MYH2: variants seen among roughly 807,000 people sequenced by gnomAD.
The protein encoded by MYH2 is myosin-2.
MYH2 carries 139 observed loss-of-function variants against 228.1 expected under a neutral mutation model. The observed-to-expected ratio is 0.61, with a 90% CI of 0.53 to 0.70. The LOEUF (loss-of-function observed/expected upper bound fraction) is 0.70, where lower values mean the gene tolerates loss of function less well. Ranked by LOEUF, MYH2 falls within the 30% of genes least tolerant of loss-of-function variation. The probability of loss-of-function intolerance (pLI) is 0.00; values close to 1 mark genes in which losing one functional copy is unlikely to be tolerated. For synonymous variants in MYH2, 796 were observed against 871.1 expected, an observed-to-expected ratio of 0.91 and a Z score of 1.52; for missense variants, 1,809 against 2,357.5, an observed-to-expected ratio of 0.77 and a Z score of 4.82.
At position 10,525,327 on chromosome 17, in the gene MYH2, T is replaced by C. The variant is rs370528852; in HGVS notation, c.4559A>G (p.Glu1520Gly). Reference sequence around the variant, plus strand: ...ACGTTTCCCTCCTTCTGCAATCTGTTCCGTGAGGTCAGAAATCTCCTCTGT... The same window carrying C: ...ACGTTTCCCTCCTTCTGCAATCTGTCCCGTGAGGTCAGAAATCTCCTCTGT... ...NLQQEISDLTEQIAEGGKRIH... is the reference protein window; with the variant it reads ...NLQQEISDLTGQIAEGGKRIH... Residue 1520 changes from glutamate to glycine, a missense_variant, in exon 33 of 40, where the codon GAA becomes GGA. Physicochemically the swap from Glu to Gly is moderately conservative, Grantham distance 98 (BLOSUM62 -2). Transcript: ENST00000245503. This position sits in a 1 kb window ranked among gnomAD's most constrained non-coding sequence, Gnocchi z 4.2. The C allele has an allele frequency of 9.3e-6, 15 of 1,614,022 alleles. No individual in the cohort carries two copies. Among genetic ancestry groups the C allele is most frequent in the Non-Finnish European group, 1.0e-5 (12 of 1,180,022 alleles).
At position 10,525,939 on chromosome 17, in the gene MYH2, A is replaced by G; in HGVS notation, c.4188-63T>C. 1.3e-6 allele frequency: 2 copies of G among 1,549,314 alleles called. No homozygotes were observed. Among genetic ancestry groups the G allele is most frequent in the South Asian group, 2.3e-5 (2 of 88,090 alleles). On this transcript the variant is annotated intron_variant, in intron 30 of 39. Transcript: ENST00000245503. The surrounding 1 kb of genome is among the most constrained non-coding windows in gnomAD (Gnocchi z 4.2). ...ATAATATGAATTATGAGCTATTGCC[A>G]CACACGCTGAAGAGTGTTAGAAACT... is the stretch of plus-strand genomic sequence containing the variant.
intron 14 of MYH2, 93 bp downstream of exon 14, chr17:10,539,112 G>T: frequency 6.2e-7 from 1 of 1,603,924 alleles, no homozygotes; most frequent in Non-Finnish European, 8.5e-7. Context: ...TTCTACAGTG[G>T]TAAGAAAAGG....
intron 28 of MYH2, 61 bp from the exon 29 acceptor site, chr17:10,527,117 G>A (rs1390676030): frequency 1.3e-6 from 2 of 1,482,258 alleles, no homozygotes; most frequent in African/African-American, 1.4e-5. Context: ...GCAAGCCCAT[G>A]TTAGAAAGAA....
intron 10 of MYH2, among the ~76,000 whole-genome samples, chr17:10,541,613 T>G (rs2073556163): frequency 6.6e-6 from 1 of 152,242 alleles, no homozygotes; most frequent in South Asian, 2.1e-4. Flanking sequence ...TTGTGAAGCA[T>G]GTGATCTCTG....
In MYH2 at chr17:10,545,495, G is replaced by C; in HGVS notation, c.356C>G (p.Ser119Ter). The C allele has an allele frequency of 1.2e-6, 2 of 1,614,046 alleles. No individual in the cohort carries two copies. Among genetic ancestry groups the C allele is most frequent in the Non-Finnish European group, 1.7e-6 (2 of 1,179,894 alleles). Reference protein sequence around the residue: ...RYAAWMIYTYSGLFCVTVNPY... With the variant: ...RYAAWMIYTY ...GTTGACAGTGACACAGAAGAGACCT[G>C]AATAGGTCTATGAGAAGGAAAAAGA... Residue 119 changes from serine to a stop codon, truncating the protein, a stop_gained, in exon 5 of 40, where the codon TCA (serine) becomes TGA (stop). Coordinates refer to ENST00000245503, the MANE Select transcript of MYH2 (RefSeq NM_017534.6). LOFTEE classifies it high-confidence loss of function.
chr17:10,523,754 C>T lies in MYH2; in HGVS notation c.5301+5G>A. The T allele has an allele frequency of 1.2e-5, 19 of 1,614,266 alleles. No homozygotes were observed. The highest frequency in any genetic ancestry group is 1.6e-5 in the Non-Finnish European group (19 of 1,180,044). On this transcript the variant is annotated splice_donor_5th_base_variant and intron_variant, in intron 36 of 39. Transcript: ENST00000245503. ...AATCAGTGGACAAGTGTGCCTGCCA[C>T]TCACATCAGTGATGGCCTTCTTGGC...
chr17:10,529,076 G>C lies in MYH2; in HGVS notation c.3358C>G (p.Arg1120Gly). 6 of 1,614,200 alleles carry C rather than the reference G, an allele frequency of 3.7e-6. No homozygotes were observed. The highest frequency in any genetic ancestry group is 5.1e-6 in the Non-Finnish European group (6 of 1,180,042). The change falls in exon 27 of 40, where the codon CGC becomes GGC. Residue 1120 changes from arginine (R) to glycine (G), a missense_variant. Coordinates refer to ENST00000245503, the MANE Select transcript of MYH2 (RefSeq NM_017534.6). ...ATTTCCTCCTCCAGCTCCTCAATGC[G>C]GGCCTGGGAATGGTGGAAAATACAA... ...LQKKIKELQARIEELEEEIEA... is the reference protein window; with the variant it reads ...LQKKIKELQAGIEELEEEIEA...
rs3051834 is a variant in MYH2, at chr17:10,521,580, C to CATATATAT, written c.5674-156_5674-149dup. ...AATTTTAAGATTTGTTTATTGATGTCATATATATATATATATATATACACA... is the reference window on the plus strand; with the variant it reads ...AATTTTAAGATTTGTTTATTGATGTCATATATATATATATATATATATATATATACACA... On this transcript the variant is annotated intron_variant, in intron 39 of 39. Coordinates refer to ENST00000245503, the MANE Select transcript of MYH2 (RefSeq NM_017534.6). 179 of 445,628 alleles carry CATATATAT rather than the reference C, an allele frequency of 4.0e-4. 1 individual carries two copies. The highest frequency in any genetic ancestry group is 5.7e-4 in the Non-Finnish European group (145 of 256,344). 27.6% of individuals were successfully genotyped at this position (445,628 alleles called of 1,614,324 possible).
chr17:10,548,856 C>T (rs1349494609), intron 2 of MYH2, among the ~76,000 whole-genome samples: 1 of 152,136 alleles, frequency 6.6e-6, no homozygotes, highest in African/African-American at 2.4e-5. Flanking sequence ...TCATTTGAAT[C>T]GTCTCTTCTA....
rs114188902 is a variant in MYH2, at chr17:10,523,944, C to T, written c.5176-60G>A. 1.3e-4 allele frequency: 204 copies of T among 1,533,462 alleles called. No individual in the cohort carries two copies. The African/African-American group carries it at 2.5e-3, about 19-fold the overall frequency. The allele number at this position is 1,533,462 out of a possible 1,614,324, so 95.0% of individuals were successfully genotyped here. A position where few individuals can be genotyped will look rare whatever the true frequency, so the allele number is the denominator to read the frequency against. On this transcript the variant is annotated intron_variant, in intron 35 of 39. Coordinates refer to ENST00000245503, the MANE Select transcript of MYH2 (RefSeq NM_017534.6). ...TGTTACCAAAGTATTTATTGGTAACCACTTCTTGAAAAAAATTCAGATAAA... is the reference window on the plus strand; with the variant it reads ...TGTTACCAAAGTATTTATTGGTAACTACTTCTTGAAAAAAATTCAGATAAA...
At chr17:10,546,280 T>TATATATATATATATATATATAA (rs2073630504) in intron 4 of MYH2, among the ~76,000 whole-genome samples, 1 of 137,282 alleles carries the variant, frequency 7.3e-6, no homozygotes, top group Admixed American at 7.3e-5. Flanking sequence ...TATATATATA[T>TATATATATATATATATATATAA]ATATATATAC....
intron 28 of MYH2, among the ~76,000 whole-genome samples, chr17:10,527,482 A>G (rs770280938): frequency 1.8e-4 from 27 of 152,342 alleles, no homozygotes; most frequent in East Asian, 3.9e-4. Context: ...CCCTGAACTC[A>G]TGCTGGAGTA....
At chr17:10,530,155 G>A in intron 22 of MYH2, 81 bp from the exon 23 acceptor site, 1 of 1,608,840 alleles carries the variant, frequency 6.2e-7, no homozygotes, top group Non-Finnish European at 8.5e-7. Flanking sequence ...TTCTGCATTT[G>A]ATCTTTTGAA....
At chr17:10,522,863 T>A (rs1218357934) in intron 39 of MYH2, among the ~76,000 whole-genome samples, 2 of 152,182 alleles carry the variant, frequency 1.3e-5, no homozygotes, top group Non-Finnish European at 2.9e-5. Flanking sequence ...CCGGAGAATA[T>A]GGCCTGTATT....
chr17:10,534,996 T>G, intron 19 of MYH2, 77 bp downstream of exon 19: 1 of 1,485,646 alleles, frequency 6.7e-7, no homozygotes. Flanking sequence ...GAGGCATATG[T>G]TTCACTAAAT....
rs2073318141 is a variant in MYH2 at position 10,524,025 on chromosome 17, G to A, written c.5176-141C>T. The A allele has an allele frequency of 1.3e-6, 1 of 787,324 alleles. No homozygotes were observed. Among genetic ancestry groups the A allele is most frequent in the African/African-American group, 1.7e-5 (1 of 57,312 alleles). The allele number at this position is 787,324 out of a possible 1,614,324, so 48.8% of individuals were successfully genotyped here. A position where few individuals can be genotyped will look rare whatever the true frequency, so the allele number is the denominator to read the frequency against. On this transcript the variant is annotated intron_variant, in intron 35 of 39. Coordinates refer to ENST00000245503, the MANE Select transcript of MYH2 (RefSeq NM_017534.6). The surrounding 1 kb of genome is among the most constrained non-coding windows in gnomAD (Gnocchi z 4.7). ...TTAAAGAATTAAAGGATTGTGTTAT[G>A]TAATATGATTAAATAAAATATAAAT...
In MYH2 at chr17:10,542,988, A is replaced by ATTT; in HGVS notation, c.806-16_806-15insAAA. 1 of 1,602,560 alleles carries ATTT rather than the reference A, an allele frequency of 6.2e-7. No homozygotes were observed. Among genetic ancestry groups the ATTT allele is most frequent in the South Asian group, 1.1e-5 (1 of 90,810 alleles). On this transcript the variant is annotated splice_polypyrimidine_tract_variant and intron_variant, in intron 9 of 39. Coordinates refer to ENST00000245503, the MANE Select transcript of MYH2 (RefSeq NM_017534.6). Reference sequence around the variant, plus strand: ...CTCTAGCAGATCTGGAAGGAAACAAATAACACATAAGAAAATTGTAAAAAT... The same window carrying ATTT: ...CTCTAGCAGATCTGGAAGGAAACAAATTTTAACACATAAGAAAATTGTAAAAAT...
intron 16 of MYH2, among the ~76,000 whole-genome samples, chr17:10,536,892 G>A (rs2073487761): frequency 6.6e-6 from 1 of 152,220 alleles, no homozygotes; most frequent in African/African-American, 2.4e-5. Context: ...ATAGAAGCTA[G>A]TACTGAGAGG....
At position 10,548,046 on chromosome 17, in the gene MYH2, CAG is replaced by C. The variant is rs113835716; in HGVS notation, c.-20-108_-20-107del. 14 of 959,546 alleles carry C rather than the reference CAG, an allele frequency of 1.5e-5. 1 individual carries two copies. The highest frequency in any genetic ancestry group is 8.1e-5 in the African/African-American group (5 of 61,866). 59.4% of individuals were successfully genotyped at this position (959,546 alleles called of 1,614,324 possible). On this transcript the variant is annotated intron_variant, in intron 2 of 39. Coordinates refer to ENST00000245503, the MANE Select transcript of MYH2 (RefSeq NM_017534.6). ...AGGCCCAGTTGGAAATTCCACTAGA[CAG>C]GTCTACTGTTCACCATACTATAGTT...
Sources: allele counts gnomAD v4.1 joint callset (sites outside exome capture counted in the v4.1 genomes callset), GRCh38; gene constraint gnomAD v4.1.1; non-coding constraint Gnocchi (gnomAD v3.1); transcripts MANE v1.5; gene names NCBI Gene and HGNC (gene_info 2026-07-23, HGNC 2026-07-21).